Variants in ADAMTSL3 observed in about 807,000 individuals in gnomAD.
The protein encoded by ADAMTSL3 is ADAMTS like 3.
ADAMTSL3 carries 128 observed loss-of-function variants against 201.7 expected under a neutral mutation model. The ratio of observed to expected loss-of-function variants is 0.63; its 90% CI spans 0.55 to 0.73. The LOEUF is 0.73. Among genes scored for constraint, ADAMTSL3 ranks in the 30% least tolerant of loss-of-function variants. The pLI, the probability that ADAMTSL3 is intolerant of heterozygous loss-of-function variation, is 0.00. For synonymous variants in ADAMTSL3, 738 were observed against 748.4 expected, an observed-to-expected ratio of 0.99 and a Z score of 0.23; for missense variants, 1,990 against 2,119.6, an observed-to-expected ratio of 0.94 and a Z score of 1.20.
intron 16 of ADAMTSL3, among the ~76,000 whole-genome samples, chr15:83,918,451 G>A (rs537003208): frequency 7.4e-4 from 113 of 152,292 alleles, no homozygotes; most frequent in Admixed American, 2.0e-3. Context: ...ATGAAAAGGG[G>A]CATTTGACCT....
Position 84,036,774 on chromosome 15 carries a change from C to G in ADAMTSL3, c.4756C>G (p.Pro1586Ala), listed in dbSNP as rs1467399066. 1.2e-6 allele frequency: 2 copies of G among 1,605,206 alleles called. No homozygotes were observed. Among genetic ancestry groups the G allele is most frequent in the Admixed American group, 1.7e-5 (1 of 58,246 alleles). ...SDSNCDDRKR[P>A]TLRRNCTSGA... ...GTTTTGTTTTATTTTTCACTTCAGACCCACCTTAAGAAGGAACTGCACATC... is the reference window on the plus strand; with the variant it reads ...GTTTTGTTTTATTTTTCACTTCAGAGCCACCTTAAGAAGGAACTGCACATC... Residue 1586 changes from proline (P) to alanine (A), a missense_variant and splice_region_variant, in exon 29 of 30, where the codon CCC becomes GCC. Coordinates refer to ENST00000286744, the MANE Select transcript of ADAMTSL3 (RefSeq NM_207517.3).
intron 17 of ADAMTSL3, among the ~76,000 whole-genome samples, chr15:83,931,468 T>C (rs1218185700): frequency 6.6e-6 from 1 of 152,208 alleles, no homozygotes; most frequent in Admixed American, 6.5e-5. Context: ...TGAATTGTTT[T>C]AATCATGAAA....
intron 6 of ADAMTSL3, among the ~76,000 whole-genome samples, chr15:83,825,421 G>A (rs982028034): frequency 1.3e-5 from 2 of 152,038 alleles, no homozygotes; most frequent in African/African-American, 4.8e-5. Flanking sequence ...GACCAGCCTG[G>A]GCAACATGGG....
chr15:83,926,205 T>C (rs1019875586), intron 17 of ADAMTSL3, among the ~76,000 whole-genome samples: 2 of 152,046 alleles, frequency 1.3e-5, no homozygotes, highest in African/African-American at 4.8e-5. Context: ...GAATGAGTGC[T>C]CTGGGCAGAG....
chr15:83,870,655 C>T, intron 8 of ADAMTSL3, 147 bp from the exon 9 acceptor site: 1 of 641,548 alleles, frequency 1.6e-6, no homozygotes, highest in Non-Finnish European at 2.4e-6. Flanking sequence ...ATATCTATTC[C>T]ACCAATATCA....
chr15:83,900,295 A>C (rs1462578798), intron 15 of ADAMTSL3, among the ~76,000 whole-genome samples: 1 of 152,210 alleles, frequency 6.6e-6, no homozygotes, highest in Admixed American at 6.5e-5. Flanking sequence ...GGTTCATTCC[A>C]ACTCAAAAAT....
chr15:83,687,839 C>G (rs2061558596), intron 2 of ADAMTSL3, among the ~76,000 whole-genome samples: 1 of 152,110 alleles, frequency 6.6e-6, no homozygotes, highest in African/African-American at 2.4e-5. Context: ...AAAACTGGAA[C>G]AGCCACCAAC....
At chr15:83,973,258 C>T (rs571774837) in intron 20 of ADAMTSL3, among the ~76,000 whole-genome samples, 1 of 152,292 alleles carries the variant, frequency 6.6e-6, no homozygotes, top group Non-Finnish European at 1.5e-5. Flanking sequence ...CAACTCACTC[C>T]TGCTTATTTA....
intron 3 of ADAMTSL3, among the ~76,000 whole-genome samples, chr15:83,719,730 G>T (rs1183251011): frequency 6.6e-6 from 1 of 152,042 alleles, no homozygotes; most frequent in Non-Finnish European, 1.5e-5. Context: ...ATCTTGCATA[G>T]TAAAAGGTAA....
intron 5 of ADAMTSL3, among the ~76,000 whole-genome samples, chr15:83,810,007 G>C (rs1207435772): frequency 6.6e-6 from 1 of 152,012 alleles, no homozygotes; most frequent in Non-Finnish European, 1.5e-5. Flanking sequence ...AACACCTTTT[G>C]ACTGAGAGCT....
chr15:84,031,516 T>C (rs554868771), intron 28 of ADAMTSL3, 84 bp downstream of exon 28: 32 of 1,224,878 alleles, frequency 2.6e-5, no homozygotes, highest in Admixed American at 1.1e-4. Context: ...ATGGAATCCT[T>C]TCTAGTTTCT....
chr15:84,007,250 C>G (rs1009066970), intron 23 of ADAMTSL3, among the ~76,000 whole-genome samples: 1 of 152,132 alleles, frequency 6.6e-6, no homozygotes, highest in Non-Finnish European at 1.5e-5. Flanking sequence ...CTCCCATGGT[C>G]ACGTGGAACA....
In ADAMTSL3 at chr15:83,897,311, A is replaced by C. The variant is rs139117486; in HGVS notation, c.1468-547A>C. Among the ~76,000 whole-genome samples, 51 of 152,300 alleles carry C rather than the reference A, an allele frequency of 3.3e-4. No individual in the cohort carries two copies. In the East Asian group the frequency reaches 5.8e-3, roughly 17 times the overall value. On this transcript the variant is annotated intron_variant, in intron 13 of 29. Transcript: ENST00000286744. ...TAACTTTAACTGCAGGCAGTTATAGATGTATGGGGATACATCTATAGTATT... is the reference window on the plus strand; with the variant it reads ...TAACTTTAACTGCAGGCAGTTATAGCTGTATGGGGATACATCTATAGTATT...
chr15:83,966,013 C>A (rs1384317328), intron 19 of ADAMTSL3, among the ~76,000 whole-genome samples: 3 of 152,170 alleles, frequency 2.0e-5, no homozygotes, highest in African/African-American at 4.8e-5. Context: ...GTACCAGAAT[C>A]TCTGGGACAC....
intron 15 of ADAMTSL3, among the ~76,000 whole-genome samples, chr15:83,905,590 A>C (rs1489763128): frequency 6.6e-6 from 1 of 152,226 alleles, no homozygotes; most frequent in Non-Finnish European, 1.5e-5. Flanking sequence ...TGTGGGAGCC[A>C]TGTAAGGATT....
intron 7 of ADAMTSL3, among the ~76,000 whole-genome samples, chr15:83,846,841 G>A (rs2064508574): frequency 6.6e-6 from 1 of 152,148 alleles, no homozygotes; most frequent in South Asian, 2.1e-4. Context: ...TATTATAAAG[G>A]GCAGAAAATG....
intron 10 of ADAMTSL3, among the ~76,000 whole-genome samples, chr15:83,885,646 G>A (rs1463958546): frequency 6.6e-6 from 1 of 152,054 alleles, no homozygotes; most frequent in Admixed American, 6.5e-5. Flanking sequence ...TCTCTCCTCA[G>A]GTGCAAGAGT....
At chr15:83,725,570 TG>T (rs1369084221) in intron 3 of ADAMTSL3, among the ~76,000 whole-genome samples, 3 of 152,200 alleles carry the variant, frequency 2.0e-5, no homozygotes, top group East Asian at 3.8e-4. Flanking sequence ...ATTTGATTTT[TG>T]TGTATGGCAA....
chr15:83,972,871 G>GA (rs2067221006), intron 20 of ADAMTSL3, among the ~76,000 whole-genome samples: 1 of 152,048 alleles, frequency 6.6e-6, no homozygotes, highest in Non-Finnish European at 1.5e-5. Context: ...CTTTCACATA[G>GA]CATCCTCTTC....
Sources: allele counts gnomAD v4.1 joint callset (sites outside exome capture counted in the v4.1 genomes callset), GRCh38; gene constraint gnomAD v4.1.1; transcripts MANE v1.5; gene names NCBI Gene and HGNC (gene_info 2026-07-23, HGNC 2026-07-21).